Variants in ZYG11B observed in about 807,000 individuals in gnomAD.
The protein encoded by ZYG11B is zyg-11 family member B, cell cycle regulator, also known as protein zyg-11 homolog B.
Under a neutral mutation model 82.4 loss-of-function variants are expected in ZYG11B, and 36 were observed. That is an observed-to-expected ratio of 0.44 (90% CI 0.33 to 0.58). The LOEUF is 0.58. Among genes scored for constraint, ZYG11B ranks in the 20% least tolerant of loss-of-function variants. The pLI, the probability that ZYG11B is intolerant of heterozygous loss-of-function variation, is 0.02. For missense variants in ZYG11B, 552 were observed against 895.6 expected (o/e 0.62, Z 4.90); for synonymous variants, 303 against 312.8 (o/e 0.97, Z 0.33).
chr1:52,797,126 TTATATATTTATATA>T (rs530531211), intron 8 of ZYG11B, among the ~76,000 whole-genome samples: 1,083 of 67,894 alleles, frequency 0.016, 47 homozygotes, highest in African/African-American at 0.11. Context: ...ATATTATATA[TTATATATTTATATA>T]TTATATATTA....
rs557216986 is a variant in ZYG11B, at chr1:52,825,954, A to G, written c.*4325A>G. The G allele has an allele frequency of 9.9e-5, 15 of 151,862 alleles. No homozygotes were observed. Among genetic ancestry groups the G allele is most frequent in the African/African-American group, 2.9e-4 (12 of 41,156 alleles). The allele number at this position is 151,862 out of a possible 1,614,324, so 9.4% of individuals were successfully genotyped here. ...CTTAGTGTTTTTAAACTATAGAACA[A>G]TACCCCTATAGAACAATGTACAGCT... On this transcript the variant is annotated 3_prime_UTR_variant, in exon 14 of 14. Coordinates refer to ENST00000294353, the MANE Select transcript of ZYG11B (RefSeq NM_024646.3).
At chr1:52,820,713 TTAAAAAAAAA>T (rs1393385980) in intron 13 of ZYG11B, among the ~76,000 whole-genome samples, 1 of 120,936 alleles carries the variant, frequency 8.3e-6, no homozygotes, top group Non-Finnish European at 1.6e-5. Flanking sequence ...GAGACTGTCT[TTAAAAAAAAA>T]AAAAAAAAAA....
intron 3 of ZYG11B, among the ~76,000 whole-genome samples, chr1:52,772,927 T>C (rs1461809720): frequency 6.6e-6 from 1 of 152,030 alleles, no homozygotes; most frequent in Non-Finnish European, 1.5e-5. Flanking sequence ...TCTGCCCGCC[T>C]CGGCCTCCCA....
chr1:52,808,161 G>A (rs1356557737), intron 10 of ZYG11B, among the ~76,000 whole-genome samples: 4 of 152,114 alleles, frequency 2.6e-5, no homozygotes, highest in African/African-American at 9.7e-5. Flanking sequence ...TCAGGAGTTC[G>A]AGACCAGCCT....
At chr1:52,772,543 G>C in intron 3 of ZYG11B, 1 of 1,609,778 alleles carries the variant, frequency 6.2e-7, no homozygotes, top group Non-Finnish European at 8.5e-7. Context: ...TTGTAAATCT[G>C]CTCCTTCACG....
intron 2 of ZYG11B, among the ~76,000 whole-genome samples, chr1:52,762,919 G>A (rs892740998): frequency 2.7e-5 from 4 of 148,288 alleles, no homozygotes; most frequent in African/African-American, 1.0e-4. Context: ...TATAGTTTTG[G>A]GTCTTACATT....
At chr1:52,812,837 G>A (rs1376756075) in intron 10 of ZYG11B, among the ~76,000 whole-genome samples, 8 of 150,306 alleles carry the variant, frequency 5.3e-5, no homozygotes, top group Non-Finnish European at 1.0e-4. Flanking sequence ...GGTGACTCTC[G>A]TGCCTCAGCC....
intron 10 of ZYG11B, among the ~76,000 whole-genome samples, chr1:52,806,210 A>G (rs1645140411): frequency 6.6e-6 from 1 of 152,140 alleles, no homozygotes; most frequent in South Asian, 2.1e-4. Flanking sequence ...TAAATATTCC[A>G]TGTACACTTG....
At chr1:52,740,626 C>G (rs912010333) in intron 1 of ZYG11B, among the ~76,000 whole-genome samples, 1 of 148,618 alleles carries the variant, frequency 6.7e-6, no homozygotes, top group Non-Finnish European at 1.5e-5. Flanking sequence ...GCAAGTGGCA[C>G]CATCTCAGCT....
intron 10 of ZYG11B, among the ~76,000 whole-genome samples, chr1:52,811,740 A>C (rs893275478): frequency 2.0e-5 from 3 of 151,304 alleles, no homozygotes; most frequent in African/African-American, 4.9e-5. Flanking sequence ...TATAATTTAC[A>C]TTTAGGTTGG....
At position 52,802,133 on chromosome 1, in the gene ZYG11B, A is replaced by C. The variant is rs750704218; in HGVS notation, c.1689A>C (p.Gly563=). 1.5e-5 allele frequency: 24 copies of C among 1,610,388 alleles called. No individual in the cohort carries two copies. In the South Asian group the frequency reaches 1.6e-4, roughly 10 times the overall value. The part of the protein sequence containing the change: ...TESSIQQKVL[G]LLNNIAEVQE... ...CATCCATTCAGCAGAAAGTTCTAGG[A>C]CTTTTGGTAAGATATAAGCACTTCC... The change falls in exon 10 of 14, where the codon GGA becomes GGC. Residue 563 remains glycine, a synonymous_variant. Transcript: ENST00000294353.
In ZYG11B at chr1:52,826,088, A is replaced by T. The variant is rs1645322798; in HGVS notation, c.*4459A>T. ...AATGGTATGTTTACATTATTTCGTT[A>T]TTATACAATGTAGTGGTATAAACAG... On this transcript the variant is annotated 3_prime_UTR_variant, in exon 14 of 14. Coordinates refer to ENST00000294353, the MANE Select transcript of ZYG11B (RefSeq NM_024646.3). 6.6e-6 allele frequency: 1 copy of T among 152,184 alleles called. No homozygotes were observed. The allele number at this position is 152,184 out of a possible 1,614,324, so 9.4% of individuals were successfully genotyped here. A position where few individuals can be genotyped will look rare whatever the true frequency, so the allele number is the denominator to read the frequency against.
At chr1:52,793,932 TTTG>T (rs1300993017) in intron 6 of ZYG11B, among the ~76,000 whole-genome samples, 2 of 129,704 alleles carry the variant, frequency 1.5e-5, no homozygotes, top group Non-Finnish European at 3.1e-5. Context: ...CTTAGTTTTC[TTTG>T]TTTTCTTCCT....
At chr1:52,792,697 A>G (rs1479355495) in intron 6 of ZYG11B, among the ~76,000 whole-genome samples, 5 of 152,226 alleles carry the variant, frequency 3.3e-5, no homozygotes, top group Non-Finnish European at 5.9e-5. Flanking sequence ...GCATGAATAA[A>G]GGCACAGAGA....
At chr1:52,758,555 C>T (rs1644599737) in intron 2 of ZYG11B, among the ~76,000 whole-genome samples, 1 of 152,126 alleles carries the variant, frequency 6.6e-6, no homozygotes. Context: ...CCTTCCTACA[C>T]CTATATTAAA....
intron 10 of ZYG11B, among the ~76,000 whole-genome samples, chr1:52,809,175 A>C (rs573390025): frequency 5.0e-5 from 7 of 139,464 alleles, no homozygotes; most frequent in South Asian, 2.3e-4. Flanking sequence ...TGTGGTAAAC[A>C]ACGTAAAATT....
Position 52,825,335 on chromosome 1 carries a change from A to G in ZYG11B, c.*3706A>G, listed in dbSNP as rs1490468755. On this transcript the variant is annotated 3_prime_UTR_variant, in exon 14 of 14. Coordinates refer to ENST00000294353, the MANE Select transcript of ZYG11B (RefSeq NM_024646.3). ...AGCCGATGACTCCATGGCTACTGATATTAGTTAGTTTAGGATTTTTAAAAA... is the reference window on the plus strand; with the variant it reads ...AGCCGATGACTCCATGGCTACTGATGTTAGTTAGTTTAGGATTTTTAAAAA... 1 of 152,054 alleles carries G rather than the reference A, an allele frequency of 6.6e-6. No individual in the cohort carries two copies. The highest frequency in any genetic ancestry group is 1.9e-4 in the East Asian group (1 of 5,186). 9.4% of individuals were successfully genotyped at this position (152,054 alleles called of 1,614,324 possible).
intron 5 of ZYG11B, among the ~76,000 whole-genome samples, chr1:52,787,026 G>T (rs1185619669): frequency 6.6e-6 from 1 of 151,942 alleles, no homozygotes; most frequent in East Asian, 1.9e-4. Context: ...GGAGGGGGAG[G>T]TTGCAGTGAG....
At chr1:52,761,032 G>A (rs945230603) in intron 2 of ZYG11B, among the ~76,000 whole-genome samples, 2 of 152,068 alleles carry the variant, frequency 1.3e-5, no homozygotes, top group Non-Finnish European at 2.9e-5. Context: ...CAAAGTGCTG[G>A]GATTACAGGT....
Sources: allele counts gnomAD v4.1 joint callset (sites outside exome capture counted in the v4.1 genomes callset), GRCh38; gene constraint gnomAD v4.1.1; transcripts MANE v1.5; gene names NCBI Gene and HGNC (gene_info 2026-07-23, HGNC 2026-07-21).